Variants in SLC8A1 observed in about 807,000 individuals in gnomAD.
SLC8A1 encodes sodium/calcium exchanger 1.
SLC8A1 carries 18 observed loss-of-function variants against 68.3 expected under a neutral mutation model. The ratio of observed to expected loss-of-function variants is 0.26; its 90% confidence interval spans 0.18 to 0.39. The LOEUF (loss-of-function observed/expected upper bound fraction) is 0.39, where lower values mean the gene tolerates loss of function less well. Ranked by LOEUF, SLC8A1 falls within the 10% of genes least tolerant of loss-of-function variation. SLC8A1 has a pLI of 1.00. For missense variants in SLC8A1, 985 were observed against 1,156.7 expected (o/e 0.85, Z 2.15); for synonymous variants, 475 against 415.5 (o/e 1.14, Z -1.74).
chr2:40,224,454 G>T (rs116640202), intron 2 of SLC8A1, among the ~76,000 whole-genome samples: 119 of 152,166 alleles, frequency 7.8e-4, no homozygotes, highest in Middle Eastern at 3.4e-3. Context: ...TAACACAGAC[G>T]TCATAGCTGG....
rs114263181 is a variant in SLC8A1 at position 40,485,112 on chromosome 2, A to G, written c.-25+27237T>C. 8.6e-3 allele frequency among the ~76,000 whole-genome samples: 1,306 copies of G among 152,168 alleles called. 14 individuals carry two copies. Among genetic ancestry groups the G allele is most frequent in the African/African-American group, 0.03 (1,246 of 41,508 alleles). On this transcript the variant is annotated intron_variant, in intron 1 of 7. Transcript: ENST00000402441. ...CCACATTCAATCTGCTTGGATTAGC[A>G]AAAATAGAGGAGGAGGAGTAGAAGC...
chr2:40,460,212 C>T (rs1703260876), intron 1 of SLC8A1, among the ~76,000 whole-genome samples: 1 of 152,072 alleles, frequency 6.6e-6, no homozygotes, highest in African/African-American at 2.4e-5. Context: ...TTTAATTTTT[C>T]TCTTATTGTT....
intron 3 of SLC8A1, 87 bp from the exon 5 acceptor site, chr2:40,174,929 C>T (rs976998261): frequency 6.3e-6 from 8 of 1,264,104 alleles, no homozygotes; most frequent in Non-Finnish European, 2.3e-6. Context: ...TGACAACCCA[C>T]CCAAGGTACT....
chr2:40,249,865 T>C (rs917381128), intron 2 of SLC8A1, among the ~76,000 whole-genome samples: 12 of 152,074 alleles, frequency 7.9e-5, no homozygotes, highest in African/African-American at 2.7e-4. Flanking sequence ...AATGACTAAT[T>C]GATGTTCAAT....
intron 2 of SLC8A1, among the ~76,000 whole-genome samples, chr2:40,280,400 C>T (rs1575033241): frequency 6.6e-6 from 1 of 152,076 alleles, no homozygotes; most frequent in East Asian, 1.9e-4. Flanking sequence ...TAATTTTTCA[C>T]ATGAGTACAT....
rs150436048 is a variant in SLC8A1 at position 40,386,671 on chromosome 2, A to G, written c.1808+41802T>C. Among the ~76,000 whole-genome samples the G allele has an allele frequency of 4.8e-3, 729 of 150,774 alleles. 8 individuals are homozygous for G. The highest frequency in any genetic ancestry group is 7.6e-3 in the Non-Finnish European group (518 of 67,900). Reference sequence around the variant, plus strand: ...ATGCAGTTAAGTTTCCAAGTATATTATTAATAAATAATTGTAGGAAAAGTC... The same window carrying G: ...ATGCAGTTAAGTTTCCAAGTATATTGTTAATAAATAATTGTAGGAAAAGTC... On this transcript the variant is annotated intron_variant, in intron 2 of 7. Transcript: ENST00000406785.
intron 2 of SLC8A1, among the ~76,000 whole-genome samples, chr2:40,264,715 G>A (rs930536133): frequency 1.3e-5 from 2 of 152,202 alleles, no homozygotes; most frequent in Non-Finnish European, 2.9e-5. Context: ...TGGGGTGAGG[G>A]AGAGGGATAG....
intron 2 of SLC8A1, among the ~76,000 whole-genome samples, chr2:40,386,908 G>C (rs749555699): frequency 2.0e-5 from 3 of 151,186 alleles, no homozygotes; most frequent in Non-Finnish European, 4.4e-5. Flanking sequence ...TCAGTATGTG[G>C]TGGTTCTACT....
At chr2:40,441,712 A>G (rs1168033111) in intron 1 of SLC8A1, among the ~76,000 whole-genome samples, 5 of 152,134 alleles carry the variant, frequency 3.3e-5, no homozygotes, top group Admixed American at 3.3e-4. Context: ...CAAGCTAGCC[A>G]TATGCAGAAA....
chr2:40,100,809 A>G (rs2033849735), exon 8 of SLC8A1: 2 of 152,112 alleles, frequency 1.3e-5, no homozygotes, highest in Non-Finnish European at 2.9e-5. Context: ...AAGCACACGG[A>G]ACACAGTATC....
chr2:40,120,734 T>C (rs1381540787), intron 7 of SLC8A1: 1 of 152,218 alleles, frequency 6.6e-6, no homozygotes, highest in African/African-American at 2.4e-5. Context: ...ATACTACCTT[T>C]GATCAAACTG....
At chr2:40,172,781 A>T (rs1278749900) in intron 4 of SLC8A1, among the ~76,000 whole-genome samples, 1 of 152,112 alleles carries the variant, frequency 6.6e-6, no homozygotes, top group African/African-American at 2.4e-5. Flanking sequence ...TCTCTACTAA[A>T]AATACAAAAA....
intron 2 of SLC8A1, among the ~76,000 whole-genome samples, chr2:40,349,937 T>C (rs1036822350): frequency 6.6e-6 from 1 of 152,138 alleles, no homozygotes; most frequent in African/African-American, 2.4e-5. Flanking sequence ...GTAATATTAA[T>C]ATTAAAATGG....
upstream of SLC8A1, chr2:40,452,216 C>T (rs1236830247): frequency 1.3e-5 from 2 of 149,114 alleles, no homozygotes; most frequent in Non-Finnish European, 3.0e-5. Flanking sequence ...CGCCCGCAGC[C>T]TCGCACTCGC....
At chr2:40,507,489 T>C (rs1706446734) in intron 1 of SLC8A1, among the ~76,000 whole-genome samples, 7 of 152,076 alleles carry the variant, frequency 4.6e-5, no homozygotes, top group Admixed American at 4.6e-4. Flanking sequence ...TGGACTGTAA[T>C]CTGAGAATAA....
chr2:40,291,328 C>T (rs1266874598), intron 2 of SLC8A1, among the ~76,000 whole-genome samples: 2 of 152,140 alleles, frequency 1.3e-5, no homozygotes, highest in Non-Finnish European at 2.9e-5. Flanking sequence ...TATGATGACA[C>T]AGCTTTATAG....
chr2:40,286,141 T>C (rs62150788), intron 2 of SLC8A1, among the ~76,000 whole-genome samples: 5,788 of 152,250 alleles, frequency 0.038, 117 homozygotes, highest in Middle Eastern at 0.082. Flanking sequence ...GTCTGTCCAG[T>C]CAATGAATAT....
At chr2:40,302,153 T>C (rs1248794336) in intron 2 of SLC8A1, among the ~76,000 whole-genome samples, 1 of 150,778 alleles carries the variant, frequency 6.6e-6, no homozygotes, top group African/African-American at 2.4e-5. Flanking sequence ...TGCCTTAGCC[T>C]CCCAGTGTGC....
At chr2:40,111,570 T>G (rs1187127678) in exon 8 of SLC8A1, 1 of 152,166 alleles carries the variant, frequency 6.6e-6, no homozygotes, top group African/African-American at 2.4e-5. Context: ...CTAAGTCCAC[T>G]AATATGTCAA....
Sources: gnomAD v4.1 joint callset for allele counts (sites outside exome capture counted in the v4.1 genomes callset) on GRCh38, gnomAD v4.1.1 for gene constraint, MANE v1.5 for transcripts, NCBI Gene and HGNC (gene_info 2026-07-23, HGNC 2026-07-21) for gene names.